The following SMAD2 variants were observed in gnomAD, a reference collection of about 807,000 sequenced individuals.
SMAD2 encodes the protein MAD homolog 2.
Under a neutral mutation model 64.4 loss-of-function variants are expected in SMAD2, and 8 were observed. The observed-to-expected ratio is 0.12, with a 90% confidence interval of 0.07 to 0.22. SMAD2 has a LOEUF of 0.22. SMAD2 is among the 10% of genes least tolerant of loss of function. The pLI is 1.00. For synonymous variants in SMAD2, 203 were observed against 195.8 expected (o/e 1.04, Z -0.31); for missense variants, 289 against 561.2 (o/e 0.51, Z 4.90).
chr18:47,845,321 C>A lies in SMAD2; in HGVS notation c.1280+19G>T, dbSNP rs776596173. ...TAATTACACTGTGGAAATTTAAGAA[C>A]CAAATATGTATTTCATACCGGTATT... On this transcript the variant is annotated intron_variant, in intron 10 of 10. Coordinates refer to ENST00000262160, the MANE Select transcript of SMAD2 (RefSeq NM_005901.6). 1 of 1,610,002 alleles carries A rather than the reference C, an allele frequency of 6.2e-7. No individual in the cohort carries two copies. Among genetic ancestry groups the A allele is most frequent in the Non-Finnish European group, 8.5e-7 (1 of 1,176,638 alleles).
At chr18:47,922,846 G>GT (rs1375139841) in intron 1 of SMAD2, among the ~76,000 whole-genome samples, 1 of 152,198 alleles carries the variant, frequency 6.6e-6, no homozygotes, top group Non-Finnish European at 1.5e-5. Context: ...GCGTAAGCTA[G>GT]TAAGGAAAGA....
rs905484520 is a variant in SMAD2 at position 47,824,390 on chromosome 18, C to T, written c.*17437G>A. 3.9e-5 allele frequency: 6 copies of T among 152,196 alleles called. No individual in the cohort carries two copies. Among genetic ancestry groups the T allele is most frequent in the Admixed American group, 3.3e-4 (5 of 15,278 alleles). The allele number at this position is 152,196 out of a possible 1,614,324, so 9.4% of individuals were successfully genotyped here. A position where few individuals can be genotyped will look rare whatever the true frequency, so the allele number is the denominator to read the frequency against. On this transcript the variant is annotated 3_prime_UTR_variant, in exon 11 of 11. Coordinates refer to ENST00000262160, the MANE Select transcript of SMAD2 (RefSeq NM_005901.6). ...TGCCTAGAAGCCGATTGTCCAAACC[C>T]GAACTGGCAGCATCCTTGTTATTAA...
chr18:47,889,817 CA>C lies in SMAD2; in HGVS notation c.236+6703del, dbSNP rs548066448. Among the ~76,000 whole-genome samples the C allele has an allele frequency of 1.3e-3, 202 of 150,278 alleles. 1 individual carries two copies. The Middle Eastern group carries it at 0.014, about 10-fold the overall frequency. On this transcript the variant is annotated intron_variant, in intron 2 of 10. Coordinates refer to ENST00000262160, the MANE Select transcript of SMAD2 (RefSeq NM_005901.6). ...AAACAGACCAAGGATGTTGGGAAAACAAAAGATTACTGTAATTTTTTAAATG... is the reference window on the plus strand; with the variant it reads ...AAACAGACCAAGGATGTTGGGAAAACAAAGATTACTGTAATTTTTTAAATG...
intron 1 of SMAD2, among the ~76,000 whole-genome samples, chr18:47,908,404 G>T (rs1451078093): frequency 6.6e-6 from 1 of 152,022 alleles, no homozygotes; most frequent in Non-Finnish European, 1.5e-5. Flanking sequence ...AAGAAACATT[G>T]CAAAATGTCT....
At chr18:47,879,528 G>GT (rs1555653713) in intron 2 of SMAD2, among the ~76,000 whole-genome samples, 3 of 151,142 alleles carry the variant, frequency 2.0e-5, no homozygotes, top group South Asian at 2.1e-4. Context: ...GTGTGTGTGT[G>GT]GAGTCGTTTT....
intron 8 of SMAD2, among the ~76,000 whole-genome samples, chr18:47,846,445 T>C (rs1004036547): frequency 6.6e-6 from 1 of 152,164 alleles, no homozygotes; most frequent in African/African-American, 2.4e-5. Flanking sequence ...GAGGTGCACA[T>C]ACATTCTCTG....
In SMAD2 at chr18:47,823,837, G is replaced by A. The variant is rs1031662444; in HGVS notation, c.*17990C>T. 6.6e-6 allele frequency: 1 copy of A among 152,098 alleles called. No individual in the cohort carries two copies. The highest frequency in any genetic ancestry group is 6.6e-5 in the Admixed American group (1 of 15,260). The allele number at this position is 152,098 out of a possible 1,614,324, so 9.4% of individuals were successfully genotyped here. Reference sequence around the variant, plus strand: ...TTTGTGTATTTCCTTTTTAAACTTTGTATCTGTTATTTGCCAAATTTTCTG... The same window carrying A: ...TTTGTGTATTTCCTTTTTAAACTTTATATCTGTTATTTGCCAAATTTTCTG... On this transcript the variant is annotated 3_prime_UTR_variant, in exon 11 of 11. Transcript: ENST00000262160.
At chr18:47,875,947 T>G (rs897932809) in intron 2 of SMAD2, among the ~76,000 whole-genome samples, 1 of 152,078 alleles carries the variant, frequency 6.6e-6, no homozygotes, top group South Asian at 2.1e-4. Flanking sequence ...AGCGTTAAGT[T>G]TGCACTTAAG....
intron 6 of SMAD2, among the ~76,000 whole-genome samples, chr18:47,861,473 TC>T (rs2144352247): frequency 6.6e-6 from 1 of 152,228 alleles, no homozygotes; most frequent in South Asian, 2.1e-4. Context: ...ATCAAGTATT[TC>T]CCATATCCTA....
intron 6 of SMAD2, among the ~76,000 whole-genome samples, chr18:47,860,407 G>A (rs563965356): frequency 1.7e-4 from 26 of 151,708 alleles, no homozygotes; most frequent in African/African-American, 5.6e-4. Context: ...AAGTAGCTGG[G>A]ACCACAGGTG....
Position 47,828,479 on chromosome 18 carries a change from T to C in SMAD2, c.*13348A>G, listed in dbSNP as rs1912859655. The stretch of plus-strand genomic sequence containing the variant: ...CGGGCCATGATGACGATGGCGGTTT[T>C]GTCGAATAGAAAAGGGGGAAATGTG... On this transcript the variant is annotated 3_prime_UTR_variant, in exon 11 of 11. Coordinates refer to ENST00000262160, the MANE Select transcript of SMAD2 (RefSeq NM_005901.6). The C allele has an allele frequency of 6.0e-6, 1 of 167,532 alleles. No individual in the cohort carries two copies. The highest frequency in any genetic ancestry group is 6.5e-5 in the Admixed American group (1 of 15,452). The allele number at this position is 167,532 out of a possible 1,614,324, so 10.4% of individuals were successfully genotyped here. A position where few individuals can be genotyped will look rare whatever the true frequency, so the allele number is the denominator to read the frequency against.
In SMAD2 at chr18:47,850,243, A is replaced by ATATG. The variant is rs1915036926; in HGVS notation, c.784+1030_784+1031insCATA. Among the ~76,000 whole-genome samples, 2 of 88,782 alleles carry ATATG rather than the reference A, an allele frequency of 2.3e-5. 1 individual carries two copies. Among genetic ancestry groups the ATATG allele is most frequent in the African/African-American group, 1.0e-4 (2 of 19,436 alleles). 58.2% of individuals were successfully genotyped at this position (88,782 alleles called of 152,430 possible). A position where few individuals can be genotyped will look rare whatever the true frequency, so the allele number is the denominator to read the frequency against. ...ATGTATAATATATATTATATATTATATATTATATATATTATGTATAATATA... is the reference window on the plus strand; with the variant it reads ...ATGTATAATATATATTATATATTATATATGTATTATATATATTATGTATAATATA... On this transcript the variant is annotated intron_variant, in intron 7 of 10. Coordinates refer to ENST00000262160, the MANE Select transcript of SMAD2 (RefSeq NM_005901.6).
At position 47,829,069 on chromosome 18, in the gene SMAD2, C is replaced by A. The variant is rs1912889192; in HGVS notation, c.*12758G>T. The stretch of plus-strand genomic sequence containing the variant: ...ATGTAACCTCAAGTCTCCAGGCAGC[C>A]CCATGAGCTTCCCTGTGAATGAGAA... On this transcript the variant is annotated 3_prime_UTR_variant, in exon 11 of 11. Coordinates refer to ENST00000262160, the MANE Select transcript of SMAD2 (RefSeq NM_005901.6). 1 of 151,858 alleles carries A rather than the reference C, an allele frequency of 6.6e-6. No individual in the cohort carries two copies. The highest frequency in any genetic ancestry group is 1.5e-5 in the Non-Finnish European group (1 of 68,032). 9.4% of individuals were successfully genotyped at this position (151,858 alleles called of 1,614,324 possible). A position where few individuals can be genotyped will look rare whatever the true frequency, so the allele number is the denominator to read the frequency against.
At chr18:47,887,315 G>A (rs1438159225) in intron 2 of SMAD2, among the ~76,000 whole-genome samples, 1 of 152,282 alleles carries the variant, frequency 6.6e-6, no homozygotes, top group East Asian at 1.9e-4. Flanking sequence ...ACCTCTTCCA[G>A]TACTCTCCAG....
At chr18:47,865,530 T>C (rs928849423) in intron 5 of SMAD2, among the ~76,000 whole-genome samples, 2 of 152,194 alleles carry the variant, frequency 1.3e-5, no homozygotes, top group African/African-American at 4.8e-5. Flanking sequence ...ATTTTATGAG[T>C]ACTTAGAAAA....
intron 10 of SMAD2, among the ~76,000 whole-genome samples, chr18:47,844,427 ATTC>A (rs1419339008): frequency 4.6e-5 from 7 of 152,210 alleles, no homozygotes; most frequent in African/African-American, 1.7e-4. Context: ...ATTTTACTTA[ATTC>A]CTACTCTTAA....
In SMAD2 at chr18:47,851,174, C is replaced by T. The variant is rs560548879; in HGVS notation, c.784+100G>A. On this transcript the variant is annotated intron_variant, in intron 7 of 10. Transcript: ENST00000262160. ...AATTATTTGGCTATTCATTAGGATC[C>T]CTTTCTCGGATATATAAAAAATAAC... The T allele has an allele frequency of 4.9e-5, 41 of 840,536 alleles. 1 individual carries two copies. In the South Asian group the frequency reaches 5.9e-4, roughly 12 times the overall value. The allele number at this position is 840,536 out of a possible 1,614,324, so 52.1% of individuals were successfully genotyped here.
At chr18:47,897,935 T>C (rs954208100) in intron 1 of SMAD2, among the ~76,000 whole-genome samples, 2 of 152,220 alleles carry the variant, frequency 1.3e-5, no homozygotes, top group African/African-American at 2.4e-5. Flanking sequence ...GGCATCCTTT[T>C]TAGAAAGTAA....
intron 1 of SMAD2, among the ~76,000 whole-genome samples, chr18:47,911,168 T>C (rs2034117339): frequency 6.6e-6 from 1 of 151,792 alleles, no homozygotes; most frequent in African/African-American, 2.4e-5. Flanking sequence ...CTGACCAACA[T>C]GGTGAAACCC....
Sources: allele counts gnomAD v4.1 joint callset (sites outside exome capture counted in the v4.1 genomes callset), GRCh38; gene constraint gnomAD v4.1.1; transcripts MANE v1.5; gene names NCBI Gene and HGNC (gene_info 2026-07-23, HGNC 2026-07-21).